The following KHDRBS2 variants were observed in gnomAD, a reference collection of about 807,000 sequenced individuals.
The protein encoded by KHDRBS2 is KH domain-containing, RNA-binding, signal transduction-associated protein 2.
A neutral mutation model predicts 44.3 loss-of-function variants in KHDRBS2; 26 were observed. The ratio of observed to expected loss-of-function variants is 0.59; its 90% CI spans 0.43 to 0.81. KHDRBS2 has a LOEUF of 0.81. Ranked by LOEUF, KHDRBS2 falls within the 40% of genes least tolerant of loss-of-function variation. The pLI is 0.00. For missense variants in KHDRBS2, 476 were observed against 433.1 expected (o/e 1.10, Z -0.88); for synonymous variants, 194 against 151.1 (o/e 1.28, Z -2.08).
intron 2 of KHDRBS2, among the ~76,000 whole-genome samples, chr6:62,143,865 A>T (rs1314177630): frequency 1.3e-5 from 2 of 151,936 alleles, no homozygotes; most frequent in Admixed American, 1.3e-4. Context: ...AGTGTTGGGA[A>T]AAATTACATG....
chr6:61,825,836 G>A (rs1009996563), intron 6 of KHDRBS2, among the ~76,000 whole-genome samples: 77 of 152,072 alleles, frequency 5.1e-4, no homozygotes, highest in African/African-American at 1.7e-3. Flanking sequence ...GATGAGAATA[G>A]AACCTAGTTC....
At chr6:61,862,786 T>G (rs1252822410) in intron 6 of KHDRBS2, among the ~76,000 whole-genome samples, 1 of 152,160 alleles carries the variant, frequency 6.6e-6, no homozygotes. Flanking sequence ...GTTTTCCTTT[T>G]GGTGATATCT....
At position 61,955,460 on chromosome 6, in the gene KHDRBS2, A is replaced by ACATACG. The variant is rs1562519790; in HGVS notation, c.483+22605_483+22606insCGTATG. Among the ~76,000 whole-genome samples, 92 of 67,756 alleles carry ACATACG rather than the reference A, an allele frequency of 1.4e-3. 9 individuals are homozygous for ACATACG. Among genetic ancestry groups the ACATACG allele is most frequent in the South Asian group, 2.9e-3 (6 of 2,040 alleles). 44.5% of individuals were successfully genotyped at this position (67,756 alleles called of 152,430 possible). On this transcript the variant is annotated intron_variant, in intron 4 of 8. Transcript: ENST00000281156. ...TATGTATACATATGTGTATATATAC[A>ACATACG]TATGTGTATATATACACATATGTAT... is the stretch of plus-strand genomic sequence containing the variant.
intron 7 of KHDRBS2, among the ~76,000 whole-genome samples, chr6:61,729,976 C>A (rs564239188): frequency 5.3e-4 from 80 of 152,014 alleles, no homozygotes; most frequent in Non-Finnish European, 1.0e-3. Flanking sequence ...AAAAAATAAT[C>A]TAAAGGCAAG....
At chr6:61,668,547 C>T in the KHDRBS2 span, among the ~76,000 whole-genome samples, 1 of 150,904 alleles carries the variant, frequency 6.6e-6, no homozygotes, top group Non-Finnish European at 1.5e-5. Flanking sequence ...AAAGGGAATG[C>T]ATATTTTAAG....
the KHDRBS2 span, among the ~76,000 whole-genome samples, chr6:61,646,823 A>G: frequency 2.6e-5 from 4 of 151,952 alleles, no homozygotes; most frequent in Non-Finnish European, 5.9e-5. Flanking sequence ...AATTTTATTT[A>G]TTTATTTATT....
intron 6 of KHDRBS2, among the ~76,000 whole-genome samples, chr6:61,881,528 A>G (rs1454269454): frequency 1.3e-5 from 2 of 151,932 alleles, no homozygotes; most frequent in East Asian, 3.9e-4. Flanking sequence ...ACAGTGAGAA[A>G]ATTCAACATC....
At chr6:62,110,875 A>G (rs556707984) in intron 2 of KHDRBS2, among the ~76,000 whole-genome samples, 94 of 152,202 alleles carry the variant, frequency 6.2e-4, no homozygotes, top group African/African-American at 2.2e-3. Flanking sequence ...GTGTAATTTC[A>G]GCTCAATAAA....
chr6:61,789,024 C>G (rs752571137), intron 6 of KHDRBS2, among the ~76,000 whole-genome samples: 1 of 151,324 alleles, frequency 6.6e-6, no homozygotes, highest in Non-Finnish European at 1.5e-5. Context: ...TTGGCAAGTT[C>G]TTTATCTCTC....
At chr6:62,061,646 T>C (rs1192819939) in intron 2 of KHDRBS2, among the ~76,000 whole-genome samples, 1 of 151,238 alleles carries the variant, frequency 6.6e-6, no homozygotes, top group African/African-American at 2.4e-5. Flanking sequence ...CTGACAATTA[T>C]GTGTCTTGGA....
intron 2 of KHDRBS2, among the ~76,000 whole-genome samples, chr6:62,075,038 G>A (rs1157326313): frequency 6.6e-6 from 1 of 151,916 alleles, no homozygotes; most frequent in African/African-American, 2.4e-5. Context: ...GAAATACAGA[G>A]ATACTGAGAC....
At chr6:61,838,722 C>A (rs1444404457) in intron 6 of KHDRBS2, among the ~76,000 whole-genome samples, 9 of 151,952 alleles carry the variant, frequency 5.9e-5, no homozygotes, top group Non-Finnish European at 1.3e-4. Flanking sequence ...CCACAGCAAG[C>A]CAACTTGCTA....
chr6:61,752,789 A>C (rs1206339859), intron 6 of KHDRBS2, among the ~76,000 whole-genome samples: 3 of 151,966 alleles, frequency 2.0e-5, no homozygotes, highest in Non-Finnish European at 4.4e-5. Flanking sequence ...AGTATATATT[A>C]TACTATATGG....
At chr6:61,917,481 G>C (rs1486706955) in intron 4 of KHDRBS2, among the ~76,000 whole-genome samples, 4 of 151,790 alleles carry the variant, frequency 2.6e-5, no homozygotes, top group Non-Finnish European at 5.9e-5. Flanking sequence ...TGATTGACAG[G>C]GGTTAGGGGA....
chr6:62,132,988 G>A (rs1810678098), intron 2 of KHDRBS2, among the ~76,000 whole-genome samples: 1 of 152,168 alleles, frequency 6.6e-6, no homozygotes, highest in Non-Finnish European at 1.5e-5. Flanking sequence ...AAGTATTTTG[G>A]TCTTTTCAGA....
intron 2 of KHDRBS2, among the ~76,000 whole-genome samples, chr6:62,123,605 A>T (rs1808233301): frequency 6.6e-6 from 1 of 152,200 alleles, no homozygotes; most frequent in South Asian, 2.1e-4. Flanking sequence ...ATATATTGAG[A>T]TGCATAATTT....
chr6:61,748,151 A>C (rs1377945407), intron 6 of KHDRBS2, among the ~76,000 whole-genome samples: 5 of 151,992 alleles, frequency 3.3e-5, no homozygotes, highest in Non-Finnish European at 7.4e-5. Flanking sequence ...CACCATGCCC[A>C]GCTAATGATT....
chr6:61,778,912 T>C (rs904539199), intron 6 of KHDRBS2, among the ~76,000 whole-genome samples: 8 of 152,230 alleles, frequency 5.3e-5, no homozygotes, highest in Non-Finnish European at 8.8e-5. Flanking sequence ...ACTGCTTTGC[T>C]CACTGACAAT....
chr6:61,930,844 G>A (rs969118920), intron 4 of KHDRBS2, among the ~76,000 whole-genome samples: 25 of 152,214 alleles, frequency 1.6e-4, no homozygotes, highest in African/African-American at 6.0e-4. Context: ...AGGAAGCTAA[G>A]TATCAGGCTT....
Sources: gnomAD v4.1 joint callset for allele counts (sites outside exome capture counted in the v4.1 genomes callset) on GRCh38, gnomAD v4.1.1 for gene constraint, MANE v1.5 for transcripts, NCBI Gene and HGNC (gene_info 2026-07-23, HGNC 2026-07-21) for gene names.